The following TNN variants were observed in gnomAD, a reference collection of about 807,000 sequenced individuals.
TNN encodes tenascin-N.
A neutral mutation model predicts 134.4 loss-of-function variants in TNN; 122 were observed. The observed-to-expected ratio is 0.91, with a 90% confidence interval of 0.78 to 1.06. TNN has a LOEUF of 1.06. Among genes scored for constraint, TNN ranks in the 50% least tolerant of loss-of-function variants. The probability of loss-of-function intolerance (pLI) is 0.00; values close to 1 mark genes in which losing one functional copy is unlikely to be tolerated. For synonymous variants in TNN, 710 were observed against 670.3 expected (o/e 1.06, Z -0.91); for missense variants, 1,739 against 1,699.4 (o/e 1.02, Z -0.41).
In TNN at chr1:175,080,508, G is replaced by A. The variant is rs1674175791; in HGVS notation, c.1048+82G>A. The A allele has an allele frequency of 4.5e-6, 7 of 1,545,042 alleles. No individual in the cohort carries two copies. The Admixed American group carries it at 1.3e-4, about 28-fold the overall frequency. On this transcript the variant is annotated intron_variant, in intron 4 of 18. Transcript: ENST00000239462. Reference sequence around the variant, plus strand: ...TTCTTTCATTAAACACCTGTAGGCAGTTGCCTTGATTAGGGGTTTGAAAAA... The same window carrying A: ...TTCTTTCATTAAACACCTGTAGGCAATTGCCTTGATTAGGGGTTTGAAAAA...
At chr1:175,137,291 G>A (rs145556128) in intron 17 of TNN, among the ~76,000 whole-genome samples, 179 of 151,608 alleles carry the variant, frequency 1.2e-3, no homozygotes, top group African/African-American at 4.0e-3. Context: ...CCCATATTCT[G>A]AACAATTTCT....
intron 11 of TNN, 108 bp downstream of exon 11, chr1:175,118,932 G>C: frequency 7.0e-7 from 1 of 1,420,892 alleles, no homozygotes; most frequent in Non-Finnish European, 9.6e-7. Context: ...CAGGGCTGCA[G>C]ACTGTTTTAG....
At chr1:175,097,998 A>T (rs1574151466) in intron 8 of TNN, among the ~76,000 whole-genome samples, 1 of 152,232 alleles carries the variant, frequency 6.6e-6, no homozygotes, top group South Asian at 2.1e-4. Context: ...TCAGTGAAGT[A>T]GCCCTTGATA....
chr1:175,105,113 G>A (rs1217656184), intron 9 of TNN, among the ~76,000 whole-genome samples: 1 of 145,932 alleles, frequency 6.9e-6, no homozygotes, highest in African/African-American at 2.5e-5. Context: ...TCAGGCTGCA[G>A]CTAAAGCCGC....
chr1:175,111,149 C>G (rs1340068425), intron 9 of TNN, among the ~76,000 whole-genome samples: 1 of 152,150 alleles, frequency 6.6e-6, no homozygotes, highest in Non-Finnish European at 1.5e-5. Flanking sequence ...GAAACTCCGT[C>G]TCTACTATAA....
At position 175,080,358 on chromosome 1, in the gene TNN, A is replaced by G. The variant is rs757498132; in HGVS notation, c.980A>G (p.Tyr327Cys). The G allele has an allele frequency of 1.4e-5, 22 of 1,614,030 alleles. No individual in the cohort carries two copies. In the South Asian group the frequency reaches 2.0e-4, roughly 14 times the overall value. Residue 327 changes from tyrosine to cysteine, a missense_variant, in exon 4 of 19, where the codon TAC becomes TGC. Tyr to Cys is a radical substitution (Grantham distance 194). Coordinates refer to ENST00000239462, the MANE Select transcript of TNN (RefSeq NM_022093.2). ...EILGLLPGTKYIVTLRNVKNE... is the reference protein window; with the variant it reads ...EILGLLPGTKCIVTLRNVKNE... ...CTTGGTTTGCTGCCTGGAACCAAGT[A>G]CATAGTCACCCTGCGTAACGTCAAG...
chr1:175,106,553 C>A (rs1674858350), intron 9 of TNN, among the ~76,000 whole-genome samples: 1 of 145,904 alleles, frequency 6.9e-6, no homozygotes, highest in African/African-American at 2.5e-5. Flanking sequence ...TAGAAAAGCA[C>A]CAGAGACAGG....
At chr1:175,130,009 G>A (rs1464112078) in intron 15 of TNN, among the ~76,000 whole-genome samples, 1 of 152,212 alleles carries the variant, frequency 6.6e-6, no homozygotes, top group African/African-American at 2.4e-5. Context: ...AAACCACATG[G>A]CAGCTTCTTT....
intron 9 of TNN, among the ~76,000 whole-genome samples, chr1:175,109,317 T>C (rs1674958995): frequency 6.7e-6 from 1 of 150,264 alleles, no homozygotes; most frequent in Non-Finnish European, 1.5e-5. Flanking sequence ...CTCGATCTCC[T>C]GACCTCATGA....
intron 9 of TNN, among the ~76,000 whole-genome samples, chr1:175,112,862 A>C (rs750400508): frequency 1.3e-5 from 2 of 151,626 alleles, no homozygotes; most frequent in Non-Finnish European, 2.9e-5. Context: ...CCTTCAAGTG[A>C]TCTGCCTGCC....
In TNN at chr1:175,083,790, T is replaced by C; in HGVS notation, c.1089T>C (p.Thr363=). Residue 363 remains threonine (T), a synonymous_variant, in exon 5 of 19, where the codon ACT becomes ACC. Coordinates refer to ENST00000239462, the MANE Select transcript of TNN (RefSeq NM_022093.2). The part of the protein sequence containing the change: ...VLGTAWVTDE[T]ENSLDVEWEN... ...GCACTGCCTGGGTGACAGATGAGACTGAGAACTCCCTTGACGTGGAGTGGG... is the reference window on the plus strand; with the variant it reads ...GCACTGCCTGGGTGACAGATGAGACCGAGAACTCCCTTGACGTGGAGTGGG... 1 of 1,614,196 alleles carries C rather than the reference T, an allele frequency of 6.2e-7. No individual in the cohort carries two copies. Among genetic ancestry groups the C allele is most frequent in the African/African-American group, 1.3e-5 (1 of 75,064 alleles).
Position 175,135,857 on chromosome 1 carries a change from C to T in TNN, c.3343C>T (p.Arg1115Trp), listed in dbSNP as rs546877646. ...TCTTCCTTCTCAGGTCTTCCAGAGG[C>T]GGAACACTGGGCAGCTGGATTTCTT... The part of the protein sequence containing the change: ...DGGGWIVFQR[R>W]NTGQLDFFKR... Residue 1115 changes from arginine (R) to tryptophan (W), a missense_variant, in exon 16 of 19, where the codon CGG (arginine) becomes TGG (tryptophan). By Grantham distance (101) the Arg-to-Trp change is moderately radical. Coordinates refer to ENST00000239462, the MANE Select transcript of TNN (RefSeq NM_022093.2). 1.4e-5 allele frequency: 23 copies of T among 1,613,504 alleles called. No individual in the cohort carries two copies. Among genetic ancestry groups the T allele is most frequent in the African/African-American group, 8.0e-5 (6 of 75,014 alleles).
At chr1:175,114,970 G>A (rs895540052) in intron 9 of TNN, among the ~76,000 whole-genome samples, 2 of 151,924 alleles carry the variant, frequency 1.3e-5, no homozygotes, top group African/African-American at 2.4e-5. Flanking sequence ...ACTGTTTTTT[G>A]GGCTGTACCA....
chr1:175,079,894 G>GTGATGA lies in TNN; in HGVS notation c.784+192_784+193insATGATG, dbSNP rs1179209611. Among the ~76,000 whole-genome samples the GTGATGA allele has an allele frequency of 2.0e-5, 3 of 152,290 alleles. No individual in the cohort carries two copies. In the South Asian group the frequency reaches 6.2e-4, roughly 32 times the overall value. On this transcript the variant is annotated intron_variant, in intron 3 of 18. Transcript: ENST00000239462. ...ATTTGCATTTCTAACAAGTTCCCAG[G>GTGATGA]TGATGCTGATGCTGCTGGTTAGAGG...
intron 15 of TNN, among the ~76,000 whole-genome samples, chr1:175,131,243 C>T (rs1409126768): frequency 1.3e-5 from 2 of 152,204 alleles, no homozygotes; most frequent in African/African-American, 4.8e-5. Flanking sequence ...TCAGGGAACA[C>T]TTAATGTTTC....
In TNN at chr1:175,147,626, G is replaced by A. The variant is rs142434593; in HGVS notation, c.*555G>A. The A allele has an allele frequency of 5.3e-5, 8 of 152,338 alleles. No homozygotes were observed. The East Asian group carries it at 1.4e-3, about 26-fold the overall frequency. 9.4% of individuals were successfully genotyped at this position (152,338 alleles called of 1,614,324 possible). On this transcript the variant is annotated 3_prime_UTR_variant, in exon 19 of 19. Coordinates refer to ENST00000239462, the MANE Select transcript of TNN (RefSeq NM_022093.2). ...ATAAAAGGGGCTAAGATGGACTCAT[G>A]TTTAGCTAAGTTCTGACTTGTATCC...
At chr1:175,116,867 A>G in intron 9 of TNN, 72 bp from the exon 10 acceptor site, 1 of 1,604,844 alleles carries the variant, frequency 6.2e-7, no homozygotes, top group Non-Finnish European at 8.5e-7. Flanking sequence ...GCCTTACCAC[A>G]AGTAAAATGC....
At chr1:175,071,601 TTTTTTGTTTTTG>T (rs1673916439) in intron 1 of TNN, among the ~76,000 whole-genome samples, 1 of 152,216 alleles carries the variant, frequency 6.6e-6, no homozygotes, top group Admixed American at 6.5e-5. Flanking sequence ...ATCTGGTGTT[TTTTTTGTTTTTG>T]TTTTTGTTTT....
chr1:175,083,809 G>C lies in TNN; in HGVS notation c.1108G>C (p.Glu370Gln). The change falls in exon 5 of 19, where the codon GAG becomes CAG. Residue 370 changes from glutamate to glutamine, a missense_variant. Transcript: ENST00000239462. The stretch of plus-strand genomic sequence containing the variant: ...TGAGACTGAGAACTCCCTTGACGTG[G>C]AGTGGGAAAACCCCTCAACTGAGGT... ...TDETENSLDV[E>Q]WENPSTEVDY... The C allele has an allele frequency of 6.2e-7, 1 of 1,614,234 alleles. No homozygotes were observed. Among genetic ancestry groups the C allele is most frequent in the East Asian group, 2.2e-5 (1 of 44,888 alleles).
Sources: gnomAD v4.1 joint callset for allele counts (sites outside exome capture counted in the v4.1 genomes callset) on GRCh38, gnomAD v4.1.1 for gene constraint, MANE v1.5 for transcripts, NCBI Gene and HGNC (gene_info 2026-07-23, HGNC 2026-07-21) for gene names.